The following CSMD1 variants were observed in gnomAD, a reference collection of about 807,000 sequenced individuals.
CSMD1 encodes the protein CUB and sushi domain-containing protein 1.
In CSMD1, 213 loss-of-function variants were observed where a neutral mutation model predicts 417.5. The ratio of observed to expected loss-of-function variants is 0.51; its 90% CI spans 0.46 to 0.57. The LOEUF (loss-of-function observed/expected upper bound fraction) is 0.57. Among genes scored for constraint, CSMD1 ranks in the 20% least tolerant of loss-of-function variants. CSMD1 has a pLI of 0.00. For synonymous variants in CSMD1, 2,862 were observed against 1,736.8 expected (o/e 1.65, Z -16.11); for missense variants, 6,923 against 4,529.7 (o/e 1.53, Z -15.17).
Position 4,323,739 on chromosome 8 carries a change from C to T in CSMD1, c.415+96214G>A, listed in dbSNP as rs117075211. 9.0e-4 allele frequency among the ~76,000 whole-genome samples: 125 copies of T among 139,606 alleles called. No homozygotes were observed. The East Asian group carries it at 0.012, about 14-fold the overall frequency. 91.6% of individuals were successfully genotyped at this position (139,606 alleles called of 152,430 possible). Reference sequence around the variant, plus strand: ...GGGTATGATTTGGGTATTTCACATCCGCTCACTCAAATATCCCCCCCTTCC... The same window carrying T: ...GGGTATGATTTGGGTATTTCACATCTGCTCACTCAAATATCCCCCCCTTCC... On this transcript the variant is annotated intron_variant, in intron 3 of 69. Coordinates refer to ENST00000635120, the MANE Select transcript of CSMD1 (RefSeq NM_033225.6).
At chr8:3,058,779 G>A (rs2128992598) in intron 49 of CSMD1, among the ~76,000 whole-genome samples, 1 of 152,142 alleles carries the variant, frequency 6.6e-6, no homozygotes, top group South Asian at 2.1e-4. Flanking sequence ...TAGGGAGGCT[G>A]CTAAGCCTTT....
At chr8:4,427,142 G>T (rs746731944) in intron 2 of CSMD1, among the ~76,000 whole-genome samples, 6 of 151,342 alleles carry the variant, frequency 4.0e-5, no homozygotes, top group Non-Finnish European at 8.9e-5. Flanking sequence ...GCCAGGTAGG[G>T]GTGGTGAGGA....
chr8:4,375,374 T>C (rs1802666966), intron 3 of CSMD1, among the ~76,000 whole-genome samples: 1 of 152,122 alleles, frequency 6.6e-6, no homozygotes, highest in South Asian at 2.1e-4. Flanking sequence ...GGGGCACTTT[T>C]GAGAGGAAAA....
rs146030540 is a variant in CSMD1, at chr8:4,924,919, T to C, written c.85+69413A>G. 1.2e-3 allele frequency among the ~76,000 whole-genome samples: 185 copies of C among 152,252 alleles called. 1 individual carries two copies. The highest frequency in any genetic ancestry group is 4.3e-3 in the African/African-American group (179 of 41,554). On this transcript the variant is annotated intron_variant, in intron 1 of 69. Coordinates refer to ENST00000635120, the MANE Select transcript of CSMD1 (RefSeq NM_033225.6). ...GGATTTGAACCCAAATCTTGTCTCTTCAAATCCCGTCTCTTTTTCTGTATT... is the reference window on the plus strand; with the variant it reads ...GGATTTGAACCCAAATCTTGTCTCTCCAAATCCCGTCTCTTTTTCTGTATT...
At chr8:3,496,532 T>G (rs1439251609) in intron 10 of CSMD1, among the ~76,000 whole-genome samples, 1 of 152,214 alleles carries the variant, frequency 6.6e-6, no homozygotes, top group Non-Finnish European at 1.5e-5. Flanking sequence ...CTGCTTTTAC[T>G]ATATCTCATA....
chr8:3,202,523 C>T (rs555731763), intron 31 of CSMD1, among the ~76,000 whole-genome samples: 56 of 152,248 alleles, frequency 3.7e-4, no homozygotes, highest in African/African-American at 1.3e-3. Flanking sequence ...TTCAGATTGA[C>T]GATACAGAGG....
At chr8:4,023,827 C>T (rs1156643086) in intron 4 of CSMD1, among the ~76,000 whole-genome samples, 3 of 130,386 alleles carry the variant, frequency 2.3e-5, no homozygotes, top group African/African-American at 8.9e-5. Flanking sequence ...GCATGTTAGC[C>T]AGGATGGCCT....
At chr8:4,480,648 G>A (rs1218297584) in intron 2 of CSMD1, among the ~76,000 whole-genome samples, 4 of 152,204 alleles carry the variant, frequency 2.6e-5, no homozygotes, top group Non-Finnish European at 4.4e-5. Context: ...CTCTAAAATA[G>A]GCTTGCATTT....
intron 6 of CSMD1, among the ~76,000 whole-genome samples, chr8:3,747,129 C>T (rs374853850): frequency 6.6e-6 from 1 of 152,232 alleles, no homozygotes; most frequent in South Asian, 2.1e-4. Flanking sequence ...TAAAGACTGA[C>T]ATGAAGCCAA....
chr8:3,162,051 C>G (rs1215712081), intron 38 of CSMD1, 108 bp downstream of exon 38: 9 of 711,198 alleles, frequency 1.3e-5, no homozygotes, highest in South Asian at 1.2e-4. Context: ...GTATGATTCA[C>G]AAACTGAGTG....
intron 10 of CSMD1, among the ~76,000 whole-genome samples, chr8:3,570,380 G>C (rs1367521145): frequency 6.6e-6 from 1 of 152,110 alleles, no homozygotes; most frequent in Non-Finnish European, 1.5e-5. Context: ...GTGGCAATTG[G>C]ACCACAGGCA....
At chr8:4,965,019 A>G (rs1386666697) in intron 1 of CSMD1, among the ~76,000 whole-genome samples, 1 of 152,158 alleles carries the variant, frequency 6.6e-6, no homozygotes, top group Non-Finnish European at 1.5e-5. Flanking sequence ...GTCCTCCACA[A>G]TATGCACGTT....
rs1177619248 is a variant in CSMD1, at chr8:3,272,582, T to C, written c.4153+11562A>G. ...CCATGAGCATGGAATGTTCTTCCATTTGTTTGTATCTTCTTTTATTTCCTT... is the reference window on the plus strand; with the variant it reads ...CCATGAGCATGGAATGTTCTTCCATCTGTTTGTATCTTCTTTTATTTCCTT... On this transcript the variant is annotated intron_variant, in intron 26 of 69. Coordinates refer to ENST00000635120, the MANE Select transcript of CSMD1 (RefSeq NM_033225.6). Among the ~76,000 whole-genome samples the C allele has an allele frequency of 1.5e-5, 2 of 136,648 alleles. 1 individual carries two copies. The highest frequency in any genetic ancestry group is 4.4e-4 in the East Asian group (2 of 4,534). 89.6% of individuals were successfully genotyped at this position (136,648 alleles called of 152,430 possible).
chr8:3,638,991 T>C (rs1797178379), intron 7 of CSMD1, among the ~76,000 whole-genome samples: 1 of 152,238 alleles, frequency 6.6e-6, no homozygotes, highest in Non-Finnish European at 1.5e-5. Flanking sequence ...CAGTGTTGCA[T>C]TCTTAACTCC....
chr8:4,445,786 T>A (rs1798751960), intron 2 of CSMD1, among the ~76,000 whole-genome samples: 1 of 152,158 alleles, frequency 6.6e-6, no homozygotes, highest in Non-Finnish European at 1.5e-5. Context: ...ATCACAGAAA[T>A]GTGTCAGAAA....
chr8:3,223,903 G>A (rs778382248), intron 27 of CSMD1, 36 bp from the exon 28 acceptor site: 1 of 1,608,268 alleles, frequency 6.2e-7, no homozygotes, highest in African/African-American at 1.3e-5. Context: ...AAAAAGTAAG[G>A]ACAGCGAAGA....
intron 6 of CSMD1, among the ~76,000 whole-genome samples, chr8:3,753,088 C>A (rs1350167587): frequency 1.3e-5 from 2 of 152,198 alleles, no homozygotes; most frequent in African/African-American, 2.4e-5. Flanking sequence ...TTCTCTGGCA[C>A]TGCAGGGCTT....
chr8:3,756,268 G>C (rs1026047559), intron 5 of CSMD1, among the ~76,000 whole-genome samples: 1 of 151,506 alleles, frequency 6.6e-6, no homozygotes, highest in Non-Finnish European at 1.5e-5. Context: ...CAGGAGAATG[G>C]CGTGAACCTG....
chr8:3,369,877 T>C (rs1271135578), intron 18 of CSMD1, among the ~76,000 whole-genome samples: 2 of 152,220 alleles, frequency 1.3e-5, no homozygotes, highest in Admixed American at 6.5e-5. Context: ...TAGAAAGTTA[T>C]GAGTTCAAAT....
Sources: gnomAD v4.1 joint callset for allele counts (sites outside exome capture counted in the v4.1 genomes callset) on GRCh38, gnomAD v4.1.1 for gene constraint, MANE v1.5 for transcripts, NCBI Gene and HGNC (gene_info 2026-07-23, HGNC 2026-07-21) for gene names.